Variants in BAZ2B observed in about 807,000 individuals in gnomAD.
The protein encoded by BAZ2B is bromodomain adjacent to zinc finger domain protein 2B.
BAZ2B carries 91 observed loss-of-function variants against 246.0 expected under a neutral mutation model. That is an observed-to-expected ratio of 0.37 (90% CI 0.31 to 0.44). The LOEUF is 0.44. BAZ2B is among the 20% of genes least tolerant of loss of function. The pLI is 1.00. For missense variants in BAZ2B, 2,332 were observed against 2,533.7 expected, an observed-to-expected ratio of 0.92 and a Z score of 1.71; for synonymous variants, 855 against 860.0, an observed-to-expected ratio of 0.99 and a Z score of 0.10.
chr2:159,379,982 T>C (rs1321333842), intron 25 of BAZ2B, among the ~76,000 whole-genome samples: 1 of 151,546 alleles, frequency 6.6e-6, no homozygotes, highest in Non-Finnish European at 1.5e-5. Flanking sequence ...TCATGACTTA[T>C]GGTAGCTTTC....
chr2:159,653,082 C>T, the BAZ2B span, among the ~76,000 whole-genome samples: 47,498 of 151,728 alleles, frequency 0.31, 9,366 homozygotes, highest in Admixed American at 0.48. Flanking sequence ...GGATTACAGG[C>T]GCACGCCACC....
intron 2 of BAZ2B, among the ~76,000 whole-genome samples, chr2:159,519,670 C>CTTTTTTTTTTTTTTTTTTTT (rs1156978730): frequency 1.0e-5 from 1 of 98,272 alleles, no homozygotes; most frequent in Non-Finnish European, 2.1e-5. Flanking sequence ...GACCTTTCTT[C>CTTTTTTTTTTTTTTTTTTTT]TTTTTTTTTT....
the BAZ2B span, among the ~76,000 whole-genome samples, chr2:159,675,958 C>T: frequency 2.0e-5 from 3 of 151,970 alleles, no homozygotes; most frequent in Admixed American, 1.3e-4. Flanking sequence ...TGCAGTGGTG[C>T]GATCTAGGCT....
the BAZ2B span, among the ~76,000 whole-genome samples, chr2:159,638,723 T>A: frequency 5.6e-5 from 8 of 143,828 alleles, no homozygotes; most frequent in South Asian, 6.9e-4. Context: ...AGAAAAAAAA[T>A]AAAAATACAA....
intron 25 of BAZ2B, among the ~76,000 whole-genome samples, chr2:159,379,145 T>C (rs2061713430): frequency 6.6e-6 from 1 of 152,154 alleles, no homozygotes; most frequent in South Asian, 2.1e-4. Flanking sequence ...ATATATACAG[T>C]GAATATTATT....
At position 159,373,155 on chromosome 2, in the gene BAZ2B, G is replaced by A. The variant is rs764609647; in HGVS notation, c.4103C>T (p.Ala1368Val). Residue 1368 changes from alanine to valine, a missense_variant, in exon 27 of 37, where the codon GCG (alanine) becomes GTG (valine). This residue lies in a region of BAZ2B where 676 missense variants were observed against 668.6 expected (regional missense o/e 1.01). Transcript: ENST00000392783. The stretch of plus-strand genomic sequence containing the variant: ...CATCACTGAACGCAATGAGTGAGAC[G>A]CATCAAAGAGCTTCCTTCTGTACTG... ...QSQYRRKLFDASHSLRSVMFG... is the reference protein window; with the variant it reads ...QSQYRRKLFDVSHSLRSVMFG... 25 of 1,613,554 alleles carry A rather than the reference G, an allele frequency of 1.5e-5. No individual in the cohort carries two copies. The Admixed American group carries it at 3.3e-4, about 22-fold the overall frequency.
intron 2 of BAZ2B, among the ~76,000 whole-genome samples, chr2:159,490,256 T>C (rs1040769838): frequency 2.4e-4 from 37 of 152,136 alleles, no homozygotes; most frequent in African/African-American, 1.2e-4. Context: ...ACATGTAAGA[T>C]AGTCAAATCT....
At chr2:159,565,358 A>G (rs2090283676) in intron 1 of BAZ2B, among the ~76,000 whole-genome samples, 2 of 152,332 alleles carry the variant, frequency 1.3e-5, no homozygotes, top group South Asian at 4.1e-4. Flanking sequence ...GGGGGAGTGG[A>G]GTCTTCAAAG....
At chr2:159,420,041 C>A (rs550531739) in intron 13 of BAZ2B, among the ~76,000 whole-genome samples, 28 of 152,298 alleles carry the variant, frequency 1.8e-4, no homozygotes, top group Non-Finnish European at 3.7e-4. Context: ...TTAACAAAAC[C>A]CTAATTTTTA....
chr2:159,705,017 GTT>G, the BAZ2B span, among the ~76,000 whole-genome samples: 7 of 140,028 alleles, frequency 5.0e-5, no homozygotes, highest in Admixed American at 7.1e-5. Context: ...TTTTTGGTTT[GTT>G]TTTTTTTTTT....
chr2:159,697,269 T>C, the BAZ2B span, among the ~76,000 whole-genome samples: 3 of 152,206 alleles, frequency 2.0e-5, no homozygotes, highest in Non-Finnish European at 4.4e-5. Flanking sequence ...GATATGTCTA[T>C]TCTAGCATTA....
the BAZ2B span, chr2:159,711,788 C>A: frequency 6.6e-6 from 1 of 152,130 alleles, no homozygotes; most frequent in Admixed American, 6.6e-5. Flanking sequence ...TTCACCAGAC[C>A]ATTCACCTCA....
intron 2 of BAZ2B, among the ~76,000 whole-genome samples, chr2:159,532,094 T>G (rs1229129058): frequency 6.6e-6 from 1 of 152,130 alleles, no homozygotes; most frequent in African/African-American, 2.4e-5. Context: ...ACAAAATTAT[T>G]TTTTATAAAA....
At chr2:159,456,626 C>T (rs1007426536) in intron 3 of BAZ2B, among the ~76,000 whole-genome samples, 1 of 152,064 alleles carries the variant, frequency 6.6e-6, no homozygotes, top group Non-Finnish European at 1.5e-5. Context: ...GACATCTATG[C>T]CTGGCAAGAA....
the BAZ2B span, among the ~76,000 whole-genome samples, chr2:159,662,013 C>T: frequency 1.3e-5 from 2 of 152,130 alleles, no homozygotes; most frequent in East Asian, 1.9e-4. Context: ...TTCCTCTTTC[C>T]CCTGGCCACT....
chr2:159,323,806 A>G (rs1441165562), intron 36 of BAZ2B, among the ~76,000 whole-genome samples: 1 of 151,802 alleles, frequency 6.6e-6, no homozygotes, highest in Admixed American at 6.6e-5. Context: ...TCTCTCAAAA[A>G]AAAAAAAAAA....
the BAZ2B span, among the ~76,000 whole-genome samples, chr2:159,695,743 CTTTT>C: frequency 6.6e-6 from 1 of 151,868 alleles, no homozygotes. Flanking sequence ...ATCTATATAT[CTTTT>C]TTTATTTTTT....
At position 159,346,100 on chromosome 2, in the gene BAZ2B, C is replaced by T. The variant is rs746003699; in HGVS notation, c.5454+1386G>A. Among the ~76,000 whole-genome samples the T allele has an allele frequency of 5.3e-5, 8 of 152,258 alleles. No individual in the cohort carries two copies. In the South Asian group the frequency reaches 6.2e-4, roughly 12 times the overall value. The stretch of plus-strand genomic sequence containing the variant: ...GCCAGAAAGATGACAATACACGAGG[C>T]ACTTTTATACTGTATTATAGAACCT... On this transcript the variant is annotated intron_variant, in intron 31 of 36. Coordinates refer to ENST00000392783, the MANE Select transcript of BAZ2B (RefSeq NM_013450.4).
the BAZ2B span, among the ~76,000 whole-genome samples, chr2:159,692,871 C>T: frequency 2.9e-4 from 44 of 152,296 alleles, no homozygotes; most frequent in Admixed American, 2.4e-3. Context: ...GTAGTACTAT[C>T]GAGTACAATA....
Sources: gnomAD v4.1 joint callset for allele counts (sites outside exome capture counted in the v4.1 genomes callset) on GRCh38, gnomAD v4.1.1 for gene constraint, gnomAD v4.1.1 regional missense constraint, MANE v1.5 for transcripts, NCBI Gene and HGNC (gene_info 2026-07-23, HGNC 2026-07-21) for gene names.